The following SCAI variants were observed in gnomAD, a reference collection of about 807,000 sequenced individuals.
SCAI encodes protein SCAI.
Under a neutral mutation model 92.2 loss-of-function variants are expected in SCAI, and 24 were observed. The ratio of observed to expected loss-of-function variants is 0.26; its 90% confidence interval spans 0.19 to 0.37. The LOEUF (loss-of-function observed/expected upper bound fraction) is 0.37. Among genes scored for constraint, SCAI ranks in the 10% least tolerant of loss-of-function variants. The probability of loss-of-function intolerance (pLI) is 1.00; values close to 1 mark genes in which losing one functional copy is unlikely to be tolerated. For synonymous variants in SCAI, 261 were observed against 258.6 expected (o/e 1.01, Z -0.09); for missense variants, 450 against 736.2 (o/e 0.61, Z 4.50).
chr9:125,075,637 G>A (rs183046664), intron 2 of SCAI, among the ~76,000 whole-genome samples: 29 of 148,652 alleles, frequency 2.0e-4, no homozygotes, highest in African/African-American at 6.2e-4. Flanking sequence ...CACGATCTCC[G>A]CTCACAACAA....
intron 2 of SCAI, among the ~76,000 whole-genome samples, chr9:125,116,820 T>C (rs1835055332): frequency 6.6e-6 from 1 of 152,100 alleles, no homozygotes; most frequent in South Asian, 2.1e-4. Context: ...GTCCTAATTA[T>C]CCCATTTTTT....
intron 3 of SCAI, among the ~76,000 whole-genome samples, chr9:125,054,305 T>C (rs888771210): frequency 2.6e-5 from 4 of 152,170 alleles, no homozygotes; most frequent in Non-Finnish European, 4.4e-5. Flanking sequence ...TTAATTTCAA[T>C]AGGCACACAG....
intron 3 of SCAI, among the ~76,000 whole-genome samples, chr9:125,052,360 C>A (rs1403350596): frequency 6.6e-6 from 1 of 151,896 alleles, no homozygotes; most frequent in African/African-American, 2.4e-5. Flanking sequence ...CACCTGAGGT[C>A]AGGAGTTCTA....
At chr9:125,001,402 G>A (rs1832358347) in intron 12 of SCAI, among the ~76,000 whole-genome samples, 1 of 152,138 alleles carries the variant, frequency 6.6e-6, no homozygotes, top group Admixed American at 6.6e-5. Flanking sequence ...GTATGTTCTG[G>A]ACAGTGTTAC....
chr9:124,942,806 C>G lies in SCAI; in HGVS notation c.*10001G>C, dbSNP rs1044735989. 1 of 152,146 alleles carries G rather than the reference C, an allele frequency of 6.6e-6. No individual in the cohort carries two copies. Among genetic ancestry groups the G allele is most frequent in the Non-Finnish European group, 1.5e-5 (1 of 68,028 alleles). 9.4% of individuals were successfully genotyped at this position (152,146 alleles called of 1,614,324 possible). On this transcript the variant is annotated 3_prime_UTR_variant, in exon 18 of 18. Transcript: ENST00000336505. ...TCTAATCTCGTTATTCAATAAACAT[C>G]AAAACAACGTTTCAGTTTTCATCCT...
At chr9:125,136,015 T>C (rs1835517722) in intron 2 of SCAI, among the ~76,000 whole-genome samples, 2 of 150,792 alleles carry the variant, frequency 1.3e-5, no homozygotes, top group African/African-American at 2.4e-5. Context: ...CTGTCAACTG[T>C]TTTCTAAAAT....
At chr9:125,123,379 A>T (rs1228711432) in intron 2 of SCAI, among the ~76,000 whole-genome samples, 1 of 151,996 alleles carries the variant, frequency 6.6e-6, no homozygotes, top group Non-Finnish European at 1.5e-5. Context: ...AAAAAGGCTT[A>T]TGTCAACAAT....
At chr9:125,095,144 T>C (rs1045782730) in intron 2 of SCAI, among the ~76,000 whole-genome samples, 2 of 152,110 alleles carry the variant, frequency 1.3e-5, no homozygotes, top group African/African-American at 4.8e-5. Context: ...CAATCCCTCA[T>C]CCAGTAACCA....
intron 17 of SCAI, among the ~76,000 whole-genome samples, chr9:124,960,737 G>A (rs551049567): frequency 6.6e-6 from 1 of 152,300 alleles, no homozygotes; most frequent in Admixed American, 6.5e-5. Flanking sequence ...ATTGACAAAG[G>A]TTTAGGTTAC....
At chr9:125,001,641 CA>C (rs1390174548) in intron 12 of SCAI, among the ~76,000 whole-genome samples, 1 of 152,160 alleles carries the variant, frequency 6.6e-6, no homozygotes, top group African/African-American at 2.4e-5. Context: ...TTGGTTATTC[CA>C]TCATCCTTTT....
intron 2 of SCAI, among the ~76,000 whole-genome samples, chr9:125,135,572 G>C (rs879878819): frequency 6.6e-6 from 1 of 152,220 alleles, no homozygotes; most frequent in South Asian, 2.1e-4. Flanking sequence ...AGAACCACTT[G>C]AACCCAGGAG....
chr9:125,106,567 G>A (rs917639402), intron 2 of SCAI, among the ~76,000 whole-genome samples: 6 of 152,132 alleles, frequency 3.9e-5, no homozygotes, highest in Admixed American at 3.9e-4. Flanking sequence ...ACTAAGTCTT[G>A]TGTAACAAGT....
intron 2 of SCAI, among the ~76,000 whole-genome samples, chr9:125,093,148 G>C (rs2131199536): frequency 6.6e-6 from 1 of 152,268 alleles, no homozygotes; most frequent in East Asian, 1.9e-4. Context: ...ATCACTTGAG[G>C]TCAGGAGTTC....
rs914004551 is a variant in SCAI at position 125,038,214 on chromosome 9, G to A, written c.231-8475C>T. 4.6e-5 allele frequency among the ~76,000 whole-genome samples: 7 copies of A among 152,090 alleles called. No individual in the cohort carries two copies. In the South Asian group the frequency reaches 8.3e-4, roughly 18 times the overall value. On this transcript the variant is annotated intron_variant, in intron 3 of 17. Transcript: ENST00000336505. The stretch of plus-strand genomic sequence containing the variant: ...CAAAGCTGCAGTGAGCCAAGATTGC[G>A]CCACTGCAGTCCAACAAGACCCTAC...
At chr9:125,073,628 C>A (rs1421827115) in intron 2 of SCAI, among the ~76,000 whole-genome samples, 1 of 152,138 alleles carries the variant, frequency 6.6e-6, no homozygotes, top group Non-Finnish European at 1.5e-5. Flanking sequence ...TTTTCACCTG[C>A]TTATTGGCCA....
At chr9:125,061,232 G>A (rs1449277155) in intron 2 of SCAI, among the ~76,000 whole-genome samples, 1 of 152,144 alleles carries the variant, frequency 6.6e-6, no homozygotes, top group Non-Finnish European at 1.5e-5. Flanking sequence ...AGGAGGCGGA[G>A]CTTGTAATGA....
intron 6 of SCAI, among the ~76,000 whole-genome samples, chr9:125,021,418 G>A (rs563235194): frequency 3.1e-4 from 47 of 152,002 alleles, no homozygotes; most frequent in Non-Finnish European, 4.0e-4. Context: ...CTTTCTCTTC[G>A]GTTAATCAAA....
chr9:125,016,986 CAG>C (rs1215248351), intron 9 of SCAI, among the ~76,000 whole-genome samples: 1 of 151,940 alleles, frequency 6.6e-6, no homozygotes, highest in African/African-American at 2.4e-5. Flanking sequence ...GAAAAAGAGA[CAG>C]AAGATATCAG....
chr9:125,121,849 A>C (rs1221750073), intron 2 of SCAI, among the ~76,000 whole-genome samples: 7 of 152,098 alleles, frequency 4.6e-5, no homozygotes, highest in Admixed American at 2.0e-4. Flanking sequence ...AGCAAGACTC[A>C]GTCTCAAAAA....
Sources: gnomAD v4.1 joint callset for allele counts (sites outside exome capture counted in the v4.1 genomes callset) on GRCh38, gnomAD v4.1.1 for gene constraint, MANE v1.5 for transcripts, NCBI Gene and HGNC (gene_info 2026-07-23, HGNC 2026-07-21) for gene names.